FBXL17: variants seen among roughly 807,000 people sequenced by gnomAD.
The protein encoded by FBXL17 is F-box and leucine rich repeat protein 17, also known as F-box/LRR-repeat protein 17.
A neutral mutation model predicts 66.2 loss-of-function variants in FBXL17; 22 were observed. The ratio of observed to expected loss-of-function variants is 0.33; its 90% CI spans 0.24 to 0.47. The LOEUF (loss-of-function observed/expected upper bound fraction) is 0.47. FBXL17 is among the 20% of genes least tolerant of loss of function. The pLI is 1.00. For missense variants in FBXL17, 878 were observed against 948.2 expected (o/e 0.93, Z 0.97); for synonymous variants, 474 against 400.5 (o/e 1.18, Z -2.19).
chr5:108,214,272 C>G (rs990284972), intron 5 of FBXL17, among the ~76,000 whole-genome samples: 2 of 152,012 alleles, frequency 1.3e-5, no homozygotes, highest in African/African-American at 2.4e-5. Flanking sequence ...GGAATATATC[C>G]CACGAGGATA....
chr5:107,878,102 C>A, intron 8 of FBXL17: 1 of 296,716 alleles, frequency 3.4e-6, no homozygotes, highest in Non-Finnish European at 5.0e-6. Context: ...AAGTGTCCTA[C>A]GGAGGCATTA....
intron 4 of FBXL17, among the ~76,000 whole-genome samples, chr5:108,237,318 A>T (rs1279728634): frequency 1.3e-5 from 2 of 152,186 alleles, no homozygotes; most frequent in African/African-American, 4.8e-5. Flanking sequence ...GAGCAGAGGT[A>T]ATAGGTTGGG....
chr5:108,173,419 A>G (rs1413155286), intron 6 of FBXL17, among the ~76,000 whole-genome samples: 1 of 152,132 alleles, frequency 6.6e-6, no homozygotes, highest in Admixed American at 6.6e-5. Context: ...TAAAAAAAAG[A>G]AAATAATCCC....
At chr5:108,370,978 T>C (rs527610889) in intron 1 of FBXL17, among the ~76,000 whole-genome samples, 1 of 152,240 alleles carries the variant, frequency 6.6e-6, no homozygotes, top group African/African-American at 2.4e-5. Context: ...GGTTTTTTTT[T>C]CTTTAATCCC....
At chr5:107,956,224 T>A (rs1393687691) in intron 7 of FBXL17, among the ~76,000 whole-genome samples, 1 of 152,202 alleles carries the variant, frequency 6.6e-6, no homozygotes. Context: ...CTTTAGAAAG[T>A]GATTCTCAAA....
intron 7 of FBXL17, among the ~76,000 whole-genome samples, chr5:107,978,471 G>A (rs1752673103): frequency 1.3e-5 from 2 of 152,150 alleles, no homozygotes; most frequent in African/African-American, 2.4e-5. Flanking sequence ...GAGCTCATGA[G>A]ATTTGTAACT....
At chr5:108,287,686 C>A (rs1757954188) in intron 4 of FBXL17, among the ~76,000 whole-genome samples, 1 of 151,952 alleles carries the variant, frequency 6.6e-6, no homozygotes. Context: ...ATTAGTTCAG[C>A]CATTGGGAAA....
Position 108,381,554 on chromosome 5 carries a change from C to T in FBXL17, c.138G>A (p.Ala46=), listed in dbSNP as rs1347900170. The change falls in exon 1 of 9, where the codon GCG becomes GCA. Residue 46 remains alanine (A), a synonymous_variant. Coordinates refer to ENST00000542267, the MANE Select transcript of FBXL17 (RefSeq NM_001163315.3). ...RTPAKVPPQP[A]APRSRDCFFR... is the part of the protein sequence containing the mutation. ...AGAAGCAGTCCCGGCTCCGGGGCGC[C>T]GCCGGCTGAGGGGGCACCTTGGCTG... The T allele has an allele frequency of 3.5e-6, 5 of 1,430,602 alleles. No individual in the cohort carries two copies. The highest frequency in any genetic ancestry group is 2.9e-5 in the Admixed American group (1 of 33,992). The allele number at this position is 1,430,602 out of a possible 1,614,324, so 88.6% of individuals were successfully genotyped here. A position where few individuals can be genotyped will look rare whatever the true frequency, so the allele number is the denominator to read the frequency against.
At chr5:108,211,900 T>C (rs1482982653) in intron 5 of FBXL17, among the ~76,000 whole-genome samples, 1 of 152,246 alleles carries the variant, frequency 6.6e-6, no homozygotes. Flanking sequence ...GAAGTTCTCC[T>C]GGATAATATC....
chr5:108,062,419 T>C (rs1693430839), intron 6 of FBXL17, among the ~76,000 whole-genome samples: 1 of 152,132 alleles, frequency 6.6e-6, no homozygotes, highest in African/African-American at 2.4e-5. Context: ...TCTTTAATAG[T>C]ATAGATATCA....
At chr5:108,239,598 G>T (rs1253571061) in intron 4 of FBXL17, among the ~76,000 whole-genome samples, 1 of 152,122 alleles carries the variant, frequency 6.6e-6, no homozygotes, top group African/African-American at 2.4e-5. Flanking sequence ...AAGTGCTCTG[G>T]GGTTCTAAAT....
intron 6 of FBXL17, among the ~76,000 whole-genome samples, chr5:108,124,053 T>C (rs542645735): frequency 3.3e-5 from 5 of 152,268 alleles, no homozygotes; most frequent in African/African-American, 9.6e-5. Context: ...ACTCCTGTTG[T>C]TGACATTAGT....
chr5:108,221,004 CA>C lies in FBXL17; in HGVS notation c.1614+3116del, dbSNP rs578220845. 6.6e-5 allele frequency among the ~76,000 whole-genome samples: 10 copies of C among 152,290 alleles called. No individual in the cohort carries two copies. The East Asian group carries it at 1.9e-3, about 29-fold the overall frequency. ...AAATATAGACCTCTAAGTTTCCAAA[CA>C]GTCCCATAAATATGACTTTATCTTA... On this transcript the variant is annotated intron_variant, in intron 5 of 8. Coordinates refer to ENST00000542267, the MANE Select transcript of FBXL17 (RefSeq NM_001163315.3).
intron 4 of FBXL17, among the ~76,000 whole-genome samples, chr5:108,225,004 C>T (rs1393864934): frequency 6.6e-6 from 1 of 152,056 alleles, no homozygotes; most frequent in East Asian, 1.9e-4. Context: ...TCAGTATATT[C>T]GCAAGTTTAT....
At chr5:108,153,947 G>A (rs1160890308) in intron 6 of FBXL17, among the ~76,000 whole-genome samples, 1 of 152,114 alleles carries the variant, frequency 6.6e-6, no homozygotes, top group Non-Finnish European at 1.5e-5. Context: ...CCTTCTTGCA[G>A]GAAGTGTTTC....
chr5:108,181,461 T>C (rs1261025114), intron 6 of FBXL17, among the ~76,000 whole-genome samples: 1 of 152,126 alleles, frequency 6.6e-6, no homozygotes, highest in Non-Finnish European at 1.5e-5. Flanking sequence ...AAAACAAAGA[T>C]AAAGAGCAGC....
At chr5:107,861,985 C>A (rs568342693) in intron 8 of FBXL17, 125 bp from the exon 9 acceptor site, 1 of 1,046,998 alleles carries the variant, frequency 9.6e-7, no homozygotes, top group Admixed American at 3.5e-5. Flanking sequence ...TTCCTCCTAG[C>A]GATGTGAGGA....
At chr5:107,880,585 A>C in intron 8 of FBXL17, 1 of 1,042,038 alleles carries the variant, frequency 9.6e-7, no homozygotes, top group Non-Finnish European at 1.2e-6. Flanking sequence ...CCGAATGGCC[A>C]GAATACATAG....
chr5:108,378,035 A>G (rs1257674939), intron 1 of FBXL17, among the ~76,000 whole-genome samples: 3 of 152,232 alleles, frequency 2.0e-5, no homozygotes, highest in African/African-American at 7.2e-5. Context: ...GATGTGGGTA[A>G]TAAGCATAAA....
Sources: gnomAD v4.1 joint callset for allele counts (sites outside exome capture counted in the v4.1 genomes callset) on GRCh38, gnomAD v4.1.1 for gene constraint, MANE v1.5 for transcripts, NCBI Gene and HGNC (gene_info 2026-07-23, HGNC 2026-07-21) for gene names.